The following ANKFN1 variants were observed in gnomAD, a reference collection of about 807,000 sequenced individuals.
ANKFN1 encodes ankyrin repeat and fibronectin type III domain containing 1.
Under a neutral mutation model 108.7 loss-of-function variants are expected in ANKFN1, and 74 were observed. That is an observed-to-expected ratio of 0.68 (90% confidence interval 0.56 to 0.83). The LOEUF is 0.83. Ranked by LOEUF, ANKFN1 falls within the 40% of genes least tolerant of loss-of-function variation. ANKFN1 has a pLI of 0.00. For missense variants in ANKFN1, 1,505 were observed against 1,382.3 expected (o/e 1.09, Z -1.41); for synonymous variants, 547 against 516.2 (o/e 1.06, Z -0.81).
chr17:56,265,206 A>G (rs1225816719), intron 3 of ANKFN1, among the ~76,000 whole-genome samples: 1 of 152,196 alleles, frequency 6.6e-6, no homozygotes, highest in Non-Finnish European at 1.5e-5. Context: ...CTCTAAAGAT[A>G]CTACCTGAGA....
chr17:56,097,010 G>T (rs1191523223), intron 4 of ANKFN1, among the ~76,000 whole-genome samples: 2 of 152,138 alleles, frequency 1.3e-5, no homozygotes, highest in Non-Finnish European at 2.9e-5. Flanking sequence ...ATTAAGAGAG[G>T]AGCAGAAAAC....
intron 4 of ANKFN1, among the ~76,000 whole-genome samples, chr17:56,093,658 A>G (rs983943866): frequency 1.3e-5 from 2 of 151,288 alleles, no homozygotes; most frequent in Non-Finnish European, 3.0e-5. Flanking sequence ...CCCTTCTACA[A>G]CTTCCCAAGT....
intron 4 of ANKFN1, among the ~76,000 whole-genome samples, chr17:56,092,841 G>A (rs1027041375): frequency 2.0e-5 from 3 of 150,922 alleles, no homozygotes; most frequent in Non-Finnish European, 3.0e-5. Flanking sequence ...GGCTGTGGGT[G>A]TGGGGTTGTT....
chr17:56,101,602 A>T (rs993688926), intron 4 of ANKFN1, among the ~76,000 whole-genome samples: 1 of 152,164 alleles, frequency 6.6e-6, no homozygotes, highest in Non-Finnish European at 1.5e-5. Context: ...TTTTTAAGCA[A>T]CCTGTCACTG....
At chr17:56,141,899 C>T (rs985909594) in intron 4 of ANKFN1, among the ~76,000 whole-genome samples, 5 of 151,766 alleles carry the variant, frequency 3.3e-5, no homozygotes, top group Non-Finnish European at 7.4e-5. Context: ...AAGATAGCCC[C>T]CTCTTTTTCA....
At chr17:56,390,295 G>T (rs2047390726) in intron 8 of ANKFN1, among the ~76,000 whole-genome samples, 1 of 152,056 alleles carries the variant, frequency 6.6e-6, no homozygotes, top group South Asian at 2.1e-4. Context: ...AGAACATGGG[G>T]TGTTTGGTTT....
At position 56,515,655 on chromosome 17, in the gene ANKFN1, G is replaced by C; in HGVS notation, c.*4386G>C. On this transcript the variant is annotated 3_prime_UTR_variant, in exon 21 of 21. Coordinates refer to ENST00000682825, the MANE Select transcript of ANKFN1 (RefSeq NM_001370326.1). ...AAACTTATTCTAAGATCTTAATTCAGACTTTTTCTGAGGTGTTGAACTTTG... is the reference window on the plus strand; with the variant it reads ...AAACTTATTCTAAGATCTTAATTCACACTTTTTCTGAGGTGTTGAACTTTG... Among the ~76,000 whole-genome samples the C allele has an allele frequency of 6.6e-6, 1 of 152,158 alleles. No homozygotes were observed. The highest frequency in any genetic ancestry group is 1.9e-4 in the East Asian group (1 of 5,194).
intron 18 of ANKFN1, among the ~76,000 whole-genome samples, chr17:56,485,720 G>A (rs1015549971): frequency 3.3e-5 from 5 of 152,148 alleles, no homozygotes; most frequent in Non-Finnish European, 7.4e-5. Context: ...GATGACTAGA[G>A]CAATGTTTTT....
intron 14 of ANKFN1, among the ~76,000 whole-genome samples, chr17:56,464,244 A>G (rs11079232): frequency 0.54 from 82,235 of 152,130 alleles, 26,042 homozygotes; most frequent in East Asian, 0.87. Context: ...AAACCTATCT[A>G]CAGCTGATAG....
intron 8 of ANKFN1, among the ~76,000 whole-genome samples, chr17:56,417,731 T>G (rs532017845): frequency 4.1e-4 from 63 of 152,344 alleles, no homozygotes; most frequent in Middle Eastern, 3.4e-3. Flanking sequence ...GTTTATTCAG[T>G]GTGTCTGTGG....
At chr17:56,414,731 C>G (rs960099090) in intron 8 of ANKFN1, among the ~76,000 whole-genome samples, 21 of 152,116 alleles carry the variant, frequency 1.4e-4, no homozygotes, top group African/African-American at 4.8e-4. Context: ...GATAAAAACC[C>G]TCAAAAGGCT....
chr17:56,495,636 T>C (rs1318236576), intron 19 of ANKFN1, among the ~76,000 whole-genome samples: 5 of 152,148 alleles, frequency 3.3e-5, no homozygotes, highest in African/African-American at 7.2e-5. Flanking sequence ...ACAGGCTTTA[T>C]AGACAGCACA....
intron 16 of ANKFN1, among the ~76,000 whole-genome samples, chr17:56,479,224 T>C (rs961250418): frequency 2.0e-5 from 3 of 152,232 alleles, no homozygotes; most frequent in African/African-American, 7.2e-5. Flanking sequence ...GCCTTTTCTC[T>C]GTCAGTTCCA....
At chr17:56,176,632 G>C (rs1167161818) in intron 1 of ANKFN1, among the ~76,000 whole-genome samples, 1 of 152,160 alleles carries the variant, frequency 6.6e-6, no homozygotes, top group African/African-American at 2.4e-5. Context: ...AAATGAGAAA[G>C]AGAATTTGGC....
chr17:56,394,138 AACTG>A (rs2047513523), intron 8 of ANKFN1, among the ~76,000 whole-genome samples: 1 of 152,210 alleles, frequency 6.6e-6, no homozygotes. Context: ...AAGCCTTTTT[AACTG>A]ACTTTGTCCA....
chr17:56,065,054 T>C (rs549849745), intron 4 of ANKFN1, among the ~76,000 whole-genome samples: 2 of 152,274 alleles, frequency 1.3e-5, no homozygotes, highest in African/African-American at 4.8e-5. Context: ...GCCTAGTCAG[T>C]TCTGAGGAGA....
At chr17:56,255,152 T>C (rs989757520) in intron 3 of ANKFN1, among the ~76,000 whole-genome samples, 4 of 152,204 alleles carry the variant, frequency 2.6e-5, no homozygotes, top group African/African-American at 9.6e-5. Context: ...TCTTGGACGA[T>C]TCCCTTTTAT....
At position 56,480,782 on chromosome 17, in the gene ANKFN1, A is replaced by G. The variant is rs754728287; in HGVS notation, c.2055A>G (p.Lys685=). 5.0e-6 allele frequency: 8 copies of G among 1,613,808 alleles called. No individual in the cohort carries two copies. In the Admixed American group the frequency reaches 8.3e-5, roughly 17 times the overall value. ...TCTACGAGCTCCAGATGGCAGTGAA[A>G]GCTCTCCTTCAGCAGATCAATATAC... ...LFFYELQMAV[K]ALLQQINIPL... is the part of the protein sequence containing the mutation. The change falls in exon 17 of 21, where the codon AAA becomes AAG. Residue 685 remains lysine (K), a synonymous_variant. Transcript: ENST00000682825.
intron 3 of ANKFN1, among the ~76,000 whole-genome samples, chr17:56,293,737 G>A (rs2044431791): frequency 6.6e-6 from 1 of 152,188 alleles, no homozygotes; most frequent in Non-Finnish European, 1.5e-5. Context: ...TGCCAAAACA[G>A]TCTCCCTGGC....
Sources: allele counts gnomAD v4.1 joint callset (sites outside exome capture counted in the v4.1 genomes callset), GRCh38; gene constraint gnomAD v4.1.1; transcripts MANE v1.5; gene names NCBI Gene and HGNC (gene_info 2026-07-23, HGNC 2026-07-21).